ZNF25: variants seen among roughly 807,000 people sequenced by gnomAD.
ZNF25 encodes zinc finger protein 25 (KOX 19).
Under a neutral mutation model 30.9 loss-of-function variants are expected in ZNF25, and 21 were observed. The ratio of observed to expected loss-of-function variants is 0.68; its 90% CI spans 0.48 to 0.98. The LOEUF (loss-of-function observed/expected upper bound fraction) is 0.98. Ranked by LOEUF, ZNF25 falls within the 50% of genes least tolerant of loss-of-function variation. ZNF25 has a pLI of 0.00. For synonymous variants in ZNF25, 169 were observed against 181.3 expected, an observed-to-expected ratio of 0.93 and a Z score of 0.55; for missense variants, 501 against 529.9, an observed-to-expected ratio of 0.95 and a Z score of 0.54.
intron 2 of ZNF25, among the ~76,000 whole-genome samples, chr10:37,968,200 G>C (rs1482441747): frequency 6.7e-6 from 1 of 148,520 alleles, no homozygotes; most frequent in Non-Finnish European, 1.5e-5. Context: ...TGTGACTACA[G>C]GCACATGCCA....
chr10:37,974,382 A>T (rs1272520900), intron 1 of ZNF25, among the ~76,000 whole-genome samples: 3 of 152,180 alleles, frequency 2.0e-5, no homozygotes, highest in African/African-American at 7.2e-5. Flanking sequence ...TCTGACAAGG[A>T]ATTAATAACC....
In ZNF25 at chr10:37,953,077, A is replaced by G; in HGVS notation, c.421T>C (p.Ser141Pro). 1 of 1,613,228 alleles carries G rather than the reference A, an allele frequency of 6.2e-7. No individual in the cohort carries two copies. The highest frequency in any genetic ancestry group is 8.5e-7 in the Non-Finnish European group (1 of 1,179,732). ...TCACAGTCATAGGATTTGCCCTTTGAGTGAGTATGCTGATGTACTATGAGG... is the reference window on the plus strand; with the variant it reads ...TCACAGTCATAGGATTTGCCCTTTGGGTGAGTATGCTGATGTACTATGAGG... The part of the protein sequence containing the change: ...SALIVHQHTH[S>P]KGKSYDCDKC... The change falls in exon 6 of 6, where the codon TCA (serine) becomes CCA (proline). Residue 141 changes from serine (S) to proline (P), a missense_variant. Ser to Pro is a moderately conservative substitution (Grantham distance 74, BLOSUM62 -1). Coordinates refer to ENST00000302609, the MANE Select transcript of ZNF25 (RefSeq NM_145011.4).
chr10:37,963,052 G>A (rs1017468668), intron 2 of ZNF25, among the ~76,000 whole-genome samples: 1 of 20,050 alleles, frequency 5.0e-5, no homozygotes, highest in Admixed American at 8.7e-4. Flanking sequence ...TGGAACTCTA[G>A]AATCTTTTTT....
chr10:37,969,227 AG>A (rs1345990204), intron 2 of ZNF25, among the ~76,000 whole-genome samples: 1 of 152,174 alleles, frequency 6.6e-6, no homozygotes, highest in Non-Finnish European at 1.5e-5. Context: ...TTCCTCAAAA[AG>A]TTAAACATAG....
At chr10:37,958,910 G>A (rs547370109) in intron 2 of ZNF25, among the ~76,000 whole-genome samples, 10 of 152,260 alleles carry the variant, frequency 6.6e-5, no homozygotes, top group Admixed American at 3.3e-4. Context: ...TTAGCCGGGC[G>A]TGGTGGCACA....
At chr10:37,954,744 G>A (rs1488605629) in intron 4 of ZNF25, among the ~76,000 whole-genome samples, 1 of 152,184 alleles carries the variant, frequency 6.6e-6, no homozygotes, top group Non-Finnish European at 1.5e-5. Context: ...GAAAGCAAGT[G>A]AAAGATTATC....
chr10:37,974,312 GT>G (rs1467229313), intron 1 of ZNF25, among the ~76,000 whole-genome samples: 1 of 152,092 alleles, frequency 6.6e-6, no homozygotes, highest in African/African-American at 2.4e-5. Flanking sequence ...GCACAGCAAA[GT>G]AAGCAATAAC....
At chr10:37,976,199 C>T (rs1435772993) in intron 1 of ZNF25, among the ~76,000 whole-genome samples, 1 of 152,242 alleles carries the variant, frequency 6.6e-6, no homozygotes, top group Non-Finnish European at 1.5e-5. Context: ...GAGCCCACGT[C>T]CCTGCGGCTT....
chr10:37,976,406 C>G (rs1337001692), intron 1 of ZNF25, 100 bp downstream of exon 1: 9 of 152,300 alleles, frequency 5.9e-5, no homozygotes. Flanking sequence ...GGCTCCCACC[C>G]AGGGCCCTCC....
chr10:37,971,425 C>T (rs1206922189), intron 2 of ZNF25, among the ~76,000 whole-genome samples: 1 of 151,994 alleles, frequency 6.6e-6, no homozygotes. Flanking sequence ...GTGCAAGTAT[C>T]AACAGTGTAA....
At chr10:37,960,792 C>A (rs3920896) in intron 2 of ZNF25, among the ~76,000 whole-genome samples, 1,655 of 152,066 alleles carry the variant, frequency 0.011, 36 homozygotes, top group African/African-American at 0.038. Context: ...AAATAAGGGA[C>A]AGCTGTAGTT....
At position 37,953,933 on chromosome 10, in the gene ZNF25, C is replaced by T. The variant is rs187560331; in HGVS notation, c.239-175G>A. Reference sequence around the variant, plus strand: ...AAACAAACACTGAAAACTGCTGTCACACACAGAAGGAGGATTCTACTTGTA... The same window carrying T: ...AAACAAACACTGAAAACTGCTGTCATACACAGAAGGAGGATTCTACTTGTA... On this transcript the variant is annotated intron_variant, in intron 4 of 5. Coordinates refer to ENST00000302609, the MANE Select transcript of ZNF25 (RefSeq NM_145011.4). Among the ~76,000 whole-genome samples, 7 of 152,306 alleles carry T rather than the reference C, an allele frequency of 4.6e-5. No homozygotes were observed. The East Asian group carries it at 5.8e-4, about 13-fold the overall frequency.
chr10:37,952,507 CTG>C lies in ZNF25; in HGVS notation c.989_990del (p.Thr330SerfsTer13). On this transcript the variant is annotated frameshift_variant, in exon 6 of 6. Coordinates refer to ENST00000302609, the MANE Select transcript of ZNF25 (RefSeq NM_145011.4). LOFTEE classifies it high-confidence loss of function. ...TCCCCTGTGTGAGTTCGCTGATGTACTGTGAGGGCTGACTTCTGGTAGAAGCA... is the reference window on the plus strand; with the variant it reads ...TCCCCTGTGTGAGTTCGCTGATGTACTGAGGGCTGACTTCTGGTAGAAGCA... ...RKCFYQKSAL[T>X]VHQRTHTGEK... The C allele has an allele frequency of 6.2e-7, 1 of 1,613,788 alleles. No individual in the cohort carries two copies. Among genetic ancestry groups the C allele is most frequent in the South Asian group, 1.1e-5 (1 of 91,056 alleles).
At chr10:37,976,404 C>G (rs1018304914) in intron 1 of ZNF25, 102 bp downstream of exon 1, 7 of 152,414 alleles carry the variant, frequency 4.6e-5, no homozygotes, top group African/African-American at 1.2e-4. Context: ...GCGGCTCCCA[C>G]CCAGGGCCCT....
In ZNF25 at chr10:37,971,630, AACACACACACAC is replaced by A. The variant is rs4007126; in HGVS notation, c.15+66_15+77del. 1.4e-3 allele frequency: 1,953 copies of A among 1,387,822 alleles called. 1 individual carries two copies. Among genetic ancestry groups the A allele is most frequent in the South Asian group, 5.8e-3 (457 of 78,844 alleles). The allele number at this position is 1,387,822 out of a possible 1,614,324, so 86.0% of individuals were successfully genotyped here. A position where few individuals can be genotyped will look rare whatever the true frequency, so the allele number is the denominator to read the frequency against. ...GGGCTCTCGTTCATAAAACTCATTA[AACACACACACAC>A]ACACACACACACACACACACACACA... On this transcript the variant is annotated intron_variant, in intron 2 of 5. Transcript: ENST00000302609.
At chr10:37,972,821 T>C (rs974065735) in intron 1 of ZNF25, among the ~76,000 whole-genome samples, 2 of 151,836 alleles carry the variant, frequency 1.3e-5, no homozygotes, top group African/African-American at 4.8e-5. Context: ...AAAAAACTGG[T>C]AGAACTGATA....
chr10:37,961,980 T>A (rs2062908882), intron 2 of ZNF25, among the ~76,000 whole-genome samples: 1 of 148,016 alleles, frequency 6.8e-6, no homozygotes, highest in South Asian at 2.1e-4. Context: ...CTCATGCCTG[T>A]AATCCCAGCA....
intron 2 of ZNF25, among the ~76,000 whole-genome samples, chr10:37,963,096 TTTTTC>T (rs2062979659): frequency 2.0e-5 from 3 of 151,588 alleles, no homozygotes; most frequent in Non-Finnish European, 4.4e-5. Flanking sequence ...GAGTACTTTT[TTTTTC>T]TTTTCTATTT....
chr10:37,956,312 G>T (rs989499024), intron 4 of ZNF25, among the ~76,000 whole-genome samples: 1 of 152,098 alleles, frequency 6.6e-6, no homozygotes, highest in Non-Finnish European at 1.5e-5. Context: ...AATAACTGAG[G>T]TATTTTATTG....
Sources: gnomAD v4.1 joint callset for allele counts (sites outside exome capture counted in the v4.1 genomes callset) on GRCh38, gnomAD v4.1.1 for gene constraint, MANE v1.5 for transcripts, NCBI Gene and HGNC (gene_info 2026-07-23, HGNC 2026-07-21) for gene names.